The following STPG2 variants were observed in gnomAD, a reference collection of about 807,000 sequenced individuals.
The protein encoded by STPG2 is sperm-tail PG-rich repeat-containing protein 2.
STPG2 carries 56 observed loss-of-function variants against 54.2 expected under a neutral mutation model. The ratio of observed to expected loss-of-function variants is 1.03; its 90% confidence interval spans 0.83 to 1.29. The LOEUF is 1.29. Ranked by LOEUF, STPG2 falls within the 50% of genes most tolerant of loss-of-function variation. The pLI is 0.00. For missense variants in STPG2, 596 were observed against 544.9 expected (o/e 1.09, Z -0.93); for synonymous variants, 200 against 181.8 (o/e 1.10, Z -0.81).
chr4:97,763,429 G>T (rs1725947194), intron 9 of STPG2, among the ~76,000 whole-genome samples: 1 of 152,106 alleles, frequency 6.6e-6, no homozygotes, highest in Admixed American at 6.6e-5. Context: ...TAAAGTTTGT[G>T]AGCATATTTA....
At chr4:97,627,069 T>C (rs4153) in intron 10 of STPG2, among the ~76,000 whole-genome samples, 97,145 of 152,004 alleles carry the variant, frequency 0.64, 31,416 homozygotes, top group African/African-American at 0.73. Context: ...CATCTACCAA[T>C]ATTGTTTTTC....
At chr4:97,958,899 A>G (rs1028314574) in intron 7 of STPG2, among the ~76,000 whole-genome samples, 7 of 152,188 alleles carry the variant, frequency 4.6e-5, no homozygotes, top group Non-Finnish European at 1.0e-4. Flanking sequence ...AGAACATTTT[A>G]CCCAACAATT....
At chr4:98,118,518 G>A (rs1467278226) in intron 3 of STPG2, among the ~76,000 whole-genome samples, 2 of 152,130 alleles carry the variant, frequency 1.3e-5, no homozygotes, top group African/African-American at 4.8e-5. Context: ...GTGTTAGACT[G>A]AAATTGGAGG....
chr4:97,587,779 T>C (rs1327906449), intron 10 of STPG2, among the ~76,000 whole-genome samples: 2 of 151,972 alleles, frequency 1.3e-5, no homozygotes, highest in Non-Finnish European at 2.9e-5. Flanking sequence ...TTAAAATGGA[T>C]TAGTGTTTAT....
chr4:97,759,151 CAT>C (rs1319726007), intron 9 of STPG2, among the ~76,000 whole-genome samples: 17 of 152,068 alleles, frequency 1.1e-4, no homozygotes, highest in Non-Finnish European at 1.3e-4. Context: ...CAAACAAAGT[CAT>C]CCACAAGTCT....
At chr4:97,905,515 A>C (rs1390346733) in intron 8 of STPG2, among the ~76,000 whole-genome samples, 3 of 152,158 alleles carry the variant, frequency 2.0e-5, no homozygotes, top group Non-Finnish European at 4.4e-5. Flanking sequence ...CCAAAATGTA[A>C]AGACCATCGA....
At chr4:97,517,767 T>TA (rs1731104835) in intron 4 of STPG2, among the ~76,000 whole-genome samples, 1 of 152,132 alleles carries the variant, frequency 6.6e-6, no homozygotes, top group Non-Finnish European at 1.5e-5. Context: ...CCATTCCTAT[T>TA]AACCACAAAA....
chr4:98,020,566 T>C (rs1309244022), intron 5 of STPG2, among the ~76,000 whole-genome samples: 4 of 152,162 alleles, frequency 2.6e-5, no homozygotes, highest in Non-Finnish European at 4.4e-5. Context: ...TCTTTTTCTA[T>C]TGATAGGAAT....
At chr4:97,691,020 T>C (rs945018474) in intron 10 of STPG2, among the ~76,000 whole-genome samples, 1 of 152,146 alleles carries the variant, frequency 6.6e-6, no homozygotes, top group Non-Finnish European at 1.5e-5. Flanking sequence ...GCAATTAGTG[T>C]GACTTTTGAA....
At chr4:97,634,176 C>G (rs1377939772) in intron 10 of STPG2, among the ~76,000 whole-genome samples, 1 of 152,256 alleles carries the variant, frequency 6.6e-6, no homozygotes, top group East Asian at 1.9e-4. Flanking sequence ...TCAAGTGGGT[C>G]CCTGACCCCT....
intron 1 of STPG2, among the ~76,000 whole-genome samples, chr4:98,138,201 G>C (rs1412761292): frequency 6.6e-6 from 1 of 152,024 alleles, no homozygotes; most frequent in Non-Finnish European, 1.5e-5. Context: ...AGACAATTAT[G>C]CTACAAAAAT....
intron 10 of STPG2, among the ~76,000 whole-genome samples, chr4:97,577,155 G>T (rs962578112): frequency 6.6e-6 from 1 of 152,162 alleles, no homozygotes; most frequent in Non-Finnish European, 1.5e-5. Context: ...ATGTAAATTT[G>T]TTCAGCCACT....
intron 10 of STPG2, among the ~76,000 whole-genome samples, chr4:97,595,996 C>T (rs1733279055): frequency 6.6e-6 from 1 of 152,096 alleles, no homozygotes; most frequent in Non-Finnish European, 1.5e-5. Flanking sequence ...GAAGCAAAAA[C>T]CAACAATACG....
At chr4:98,034,205 A>T (rs1437981086) in intron 5 of STPG2, among the ~76,000 whole-genome samples, 1 of 152,190 alleles carries the variant, frequency 6.6e-6, no homozygotes, top group East Asian at 1.9e-4. Flanking sequence ...AGACAACCCC[A>T]TCGTCTCAGC....
intron 9 of STPG2, among the ~76,000 whole-genome samples, chr4:97,815,222 G>A (rs1001861207): frequency 6.6e-6 from 1 of 151,964 alleles, no homozygotes; most frequent in African/African-American, 2.4e-5. Context: ...ACATTTACCG[G>A]TGTGTGTGTG....
At chr4:97,903,373 C>A (rs1326353807) in intron 8 of STPG2, among the ~76,000 whole-genome samples, 5 of 151,084 alleles carry the variant, frequency 3.3e-5, no homozygotes, top group Non-Finnish European at 5.9e-5. Flanking sequence ...GTCAATTACA[C>A]TTCATTATAG....
intron 4 of STPG2, among the ~76,000 whole-genome samples, chr4:97,456,731 T>TA (rs974576447): frequency 2.7e-5 from 4 of 150,880 alleles, no homozygotes; most frequent in Admixed American, 1.3e-4. Context: ...CCATCTCTAC[T>TA]AAAAAATACA....
chr4:98,140,813 A>G (rs1399854373), intron 1 of STPG2, among the ~76,000 whole-genome samples: 1 of 152,194 alleles, frequency 6.6e-6, no homozygotes, highest in South Asian at 2.1e-4. Flanking sequence ...CAGCAACAAA[A>G]AAAGAATTAA....
At chr4:97,516,004 G>C (rs977714898) in intron 4 of STPG2, among the ~76,000 whole-genome samples, 12 of 152,014 alleles carry the variant, frequency 7.9e-5, no homozygotes, top group African/African-American at 2.7e-4. Context: ...TGATGCAAGT[G>C]GTAGTGAAGG....
Sources: allele counts gnomAD v4.1 joint callset (sites outside exome capture counted in the v4.1 genomes callset), GRCh38; gene constraint gnomAD v4.1.1; transcripts MANE v1.5; gene names NCBI Gene and HGNC (gene_info 2026-07-23, HGNC 2026-07-21).